The following TP53BP1 variants were observed in gnomAD, a reference collection of about 807,000 sequenced individuals.
TP53BP1 encodes tumor protein p53 binding protein 1.
TP53BP1 carries 61 observed loss-of-function variants against 200.8 expected under a neutral mutation model. That is an observed-to-expected ratio of 0.30 (90% CI 0.25 to 0.38). The LOEUF is 0.38. Ranked by LOEUF, TP53BP1 falls within the 10% of genes least tolerant of loss-of-function variation. The probability of loss-of-function intolerance (pLI) is 1.00; values close to 1 mark genes in which losing one functional copy is unlikely to be tolerated. For missense variants in TP53BP1, 2,144 were observed against 2,371.9 expected (o/e 0.90, Z 2.00); for synonymous variants, 822 against 844.3 (o/e 0.97, Z 0.46).
chr15:43,419,624 C>T (rs2045349375), intron 21 of TP53BP1, among the ~76,000 whole-genome samples: 1 of 149,662 alleles, frequency 6.7e-6, no homozygotes, highest in Non-Finnish European at 1.5e-5. Context: ...CAAGTGATCC[C>T]CCTGCTTTGG....
intron 12 of TP53BP1, among the ~76,000 whole-genome samples, chr15:43,452,468 T>G (rs145500855): frequency 0.021 from 3,128 of 151,142 alleles, 51 homozygotes; most frequent in Non-Finnish European, 0.029. Flanking sequence ...GGGGCTGAAG[T>G]GGGAGGATCA....
At chr15:43,443,812 G>A (rs1171819405) in intron 14 of TP53BP1, among the ~76,000 whole-genome samples, 1 of 152,148 alleles carries the variant, frequency 6.6e-6, no homozygotes, top group African/African-American at 2.4e-5. Context: ...AATTTCAAGG[G>A]ATTAAAATTT....
chr15:43,461,858 T>C (rs1192701507), intron 11 of TP53BP1, among the ~76,000 whole-genome samples: 1 of 151,522 alleles, frequency 6.6e-6, no homozygotes, highest in African/African-American at 2.4e-5. Context: ...TTAGTAGAGA[T>C]GGGGTTTCAC....
At chr15:43,500,983 G>A (rs970824791) in intron 1 of TP53BP1, among the ~76,000 whole-genome samples, 1 of 152,118 alleles carries the variant, frequency 6.6e-6, no homozygotes, top group African/African-American at 2.4e-5. Flanking sequence ...GCAGTGAGCA[G>A]TGATCATGCC....
At chr15:43,479,082 C>A (rs747517324) in intron 7 of TP53BP1, among the ~76,000 whole-genome samples, 12 of 152,046 alleles carry the variant, frequency 7.9e-5, no homozygotes, top group Non-Finnish European at 1.6e-4. Flanking sequence ...AAAAAAAGGT[C>A]TTTGTAGAAT....
chr15:43,441,330 G>A, intron 15 of TP53BP1, 196 bp downstream of exon 15: 1 of 485,128 alleles, frequency 2.1e-6, no homozygotes, highest in South Asian at 3.7e-5. Context: ...AGTTCTAGGT[G>A]TAGAAAAAAG....
chr15:43,462,205 A>G (rs2046452729), intron 11 of TP53BP1, among the ~76,000 whole-genome samples: 1 of 119,762 alleles, frequency 8.3e-6, no homozygotes, highest in African/African-American at 2.9e-5. Context: ...GTGGAGAGCG[A>G]GACTTCATCT....
At chr15:43,470,119 CA>C in intron 10 of TP53BP1, 53 bp from the exon 11 acceptor site, 1 of 1,444,190 alleles carries the variant, frequency 6.9e-7, no homozygotes, top group African/African-American at 1.4e-5. Context: ...CAATATTACT[CA>C]TGTTCCAAAA....
intron 4 of TP53BP1, among the ~76,000 whole-genome samples, chr15:43,488,713 G>A (rs1168666506): frequency 1.3e-5 from 2 of 152,140 alleles, no homozygotes; most frequent in Non-Finnish European, 2.9e-5. Context: ...GGCCAACATG[G>A]GGAAACCCCA....
Position 43,427,564 on chromosome 15 carries a change from C to T in TP53BP1, c.3828+452G>A, listed in dbSNP as rs533754431. Among the ~76,000 whole-genome samples, 17 of 152,268 alleles carry T rather than the reference C, an allele frequency of 1.1e-4. No homozygotes were observed. In the South Asian group the frequency reaches 3.1e-3, roughly 28 times the overall value. On this transcript the variant is annotated intron_variant, in intron 18 of 27. Coordinates refer to ENST00000382044, the MANE Select transcript of TP53BP1 (RefSeq NM_001141980.3). ...AGAAAGCAGGAAGTCTAACTTCTAA[C>T]CCTGTTCTTCTATCTCTGGTAATAA...
At chr15:43,493,187 A>G (rs1241273668), upstream of TP53BP1, 3 of 1,479,772 alleles carry the variant, frequency 2.0e-6, no homozygotes, top group African/African-American at 1.4e-5. Context: ...ACAATATCGG[A>G]TCGTCCATTC....
intron 18 of TP53BP1, among the ~76,000 whole-genome samples, chr15:43,423,672 AT>A: frequency 6.6e-6 from 1 of 150,846 alleles, no homozygotes; most frequent in East Asian, 1.9e-4. Context: ...AAAAAAAAAA[AT>A]CCCCATGGGG....
intron 11 of TP53BP1, among the ~76,000 whole-genome samples, 180 bp from the exon 12 acceptor site, chr15:43,457,398 G>A (rs1211448361): frequency 6.6e-6 from 1 of 152,054 alleles, no homozygotes; most frequent in African/African-American, 2.4e-5. Flanking sequence ...CAGGAGCAGT[G>A]GCACATGCTC....
chr15:43,452,084 G>A (rs1023103309), intron 12 of TP53BP1, among the ~76,000 whole-genome samples: 2 of 152,138 alleles, frequency 1.3e-5, no homozygotes, highest in Admixed American at 6.5e-5. Context: ...GCAGTGAGCC[G>A]AGATCATGTC....
At chr15:43,447,097 A>C (rs2046059696) in intron 13 of TP53BP1, 2 of 462,846 alleles carry the variant, frequency 4.3e-6, no homozygotes, top group South Asian at 4.1e-5. Flanking sequence ...CTTAGCACTC[A>C]GATTCTACTG....
intron 16 of TP53BP1, among the ~76,000 whole-genome samples, chr15:43,438,006 G>T (rs569993378): frequency 6.6e-6 from 1 of 152,340 alleles, no homozygotes; most frequent in Non-Finnish European, 1.5e-5. Context: ...CACATGGTGA[G>T]GGTGCATTCA....
In TP53BP1 at chr15:43,403,926, T is replaced by A; in HGVS notation, c.*3457A>T. On this transcript the variant is annotated 3_prime_UTR_variant, in exon 28 of 28. Coordinates refer to ENST00000382044, the MANE Select transcript of TP53BP1 (RefSeq NM_001141980.3). ...AATACACACACGTACAGAGATAAGA[T>A]ACAAAGATAAAAATGTTGGTATCAG... The A allele has an allele frequency of 2.9e-6, 2 of 678,444 alleles. No homozygotes were observed. Among genetic ancestry groups the A allele is most frequent in the South Asian group, 1.8e-5 (1 of 55,332 alleles). The allele number at this position is 678,444 out of a possible 1,614,324, so 42.0% of individuals were successfully genotyped here. A position where few individuals can be genotyped will look rare whatever the true frequency, so the allele number is the denominator to read the frequency against.
intron 24 of TP53BP1, chr15:43,412,614 C>G (rs577048726): frequency 1.7e-5 from 8 of 465,332 alleles, no homozygotes; most frequent in Admixed American, 4.8e-5. Context: ...TTGCAATCAC[C>G]CTGAGGAACC....
chr15:43,426,064 C>CAA (rs34837192), intron 18 of TP53BP1, among the ~76,000 whole-genome samples: 37 of 96,584 alleles, frequency 3.8e-4, no homozygotes, highest in East Asian at 8.4e-4. Context: ...GACTCCGTCT[C>CAA]AAAAAAAAAA....
Sources: gnomAD v4.1 joint callset for allele counts (sites outside exome capture counted in the v4.1 genomes callset) on GRCh38, gnomAD v4.1.1 for gene constraint, MANE v1.5 for transcripts, NCBI Gene and HGNC (gene_info 2026-07-23, HGNC 2026-07-21) for gene names.